The following TENM2 variants were observed in gnomAD, a reference collection of about 807,000 sequenced individuals.
TENM2 encodes the protein teneurin-2.
Under a neutral mutation model 245.2 loss-of-function variants are expected in TENM2, and 52 were observed. That is an observed-to-expected ratio of 0.21 (90% CI 0.17 to 0.27). The LOEUF (loss-of-function observed/expected upper bound fraction) is 0.27. Among genes scored for constraint, TENM2 ranks in the 10% least tolerant of loss-of-function variants. The pLI is 1.00. For synonymous variants in TENM2, 1,363 were observed against 1,438.9 expected, an observed-to-expected ratio of 0.95 and a Z score of 1.19; for missense variants, 3,046 against 3,666.8, an observed-to-expected ratio of 0.83 and a Z score of 4.37.
At chr5:167,833,766 G>C (rs530646238) in intron 2 of TENM2, among the ~76,000 whole-genome samples, 1 of 152,288 alleles carries the variant, frequency 6.6e-6, no homozygotes, top group East Asian at 1.9e-4. Flanking sequence ...GACATGGTGT[G>C]ATCTCTAATC....
intron 2 of TENM2, among the ~76,000 whole-genome samples, chr5:167,411,088 T>C (rs1762884102): frequency 6.6e-6 from 1 of 152,084 alleles, no homozygotes; most frequent in Non-Finnish European, 1.5e-5. Context: ...AGAGCATGGC[T>C]TTGTTATTAG....
intron 5 of TENM2, among the ~76,000 whole-genome samples, chr5:168,042,499 G>A (rs186115464): frequency 1.3e-5 from 2 of 152,158 alleles, no homozygotes; most frequent in Admixed American, 1.3e-4. Flanking sequence ...ACCCAGCAGG[G>A]CCCACACATT....
chr5:167,977,406 T>G (rs2546959), intron 4 of TENM2, among the ~76,000 whole-genome samples: 29,839 of 152,056 alleles, frequency 0.2, 3,181 homozygotes, highest in Admixed American at 0.27. Context: ...ATTGAAGAAC[T>G]TAAACTGATG....
chr5:168,149,434 G>A (rs1159308379), intron 12 of TENM2: 2 of 457,124 alleles, frequency 4.4e-6, no homozygotes, highest in Admixed American at 4.7e-5. Flanking sequence ...GTAGTTGGTG[G>A]GGAGTGCTGT....
chr5:167,366,510 G>A (rs1396190695), intron 1 of TENM2, among the ~76,000 whole-genome samples: 1 of 152,102 alleles, frequency 6.6e-6, no homozygotes, highest in Non-Finnish European at 1.5e-5. Flanking sequence ...CCCTGTGAAA[G>A]TAGGTGCTAT....
chr5:167,069,149 T>C, the TENM2 span, among the ~76,000 whole-genome samples: 1 of 152,188 alleles, frequency 6.6e-6, no homozygotes, highest in Non-Finnish European at 1.5e-5. Context: ...AAAGGGAAAA[T>C]TGTTAATATT....
the TENM2 span, among the ~76,000 whole-genome samples, chr5:167,242,028 TTTC>T: frequency 1.3e-5 from 2 of 151,576 alleles, no homozygotes; most frequent in Non-Finnish European, 2.9e-5. Context: ...TTTTCTTTGT[TTTC>T]TTTTTTTGTT....
intron 2 of TENM2, among the ~76,000 whole-genome samples, chr5:167,437,327 T>C (rs1379147391): frequency 6.6e-6 from 1 of 152,208 alleles, no homozygotes. Context: ...ATAAGGCCCG[T>C]AGCCCCTTGG....
intron 2 of TENM2, among the ~76,000 whole-genome samples, chr5:167,515,286 C>A: frequency 6.6e-6 from 1 of 152,210 alleles, no homozygotes; most frequent in African/African-American, 2.4e-5. Context: ...TTTCTACTGT[C>A]TACAGCATGT....
chr5:167,081,499 TA>T, the TENM2 span, among the ~76,000 whole-genome samples: 2 of 152,152 alleles, frequency 1.3e-5, no homozygotes, highest in South Asian at 2.1e-4. Context: ...GTTGGTTCTT[TA>T]AAAAATAAAT....
chr5:167,715,499 CA>C (rs1347843506), intron 2 of TENM2, among the ~76,000 whole-genome samples: 1 of 152,118 alleles, frequency 6.6e-6, no homozygotes, highest in Non-Finnish European at 1.5e-5. Context: ...ATATCATTTT[CA>C]ATTGTTTTAA....
rs150271809 is a variant in TENM2, at chr5:168,053,565, A to T, written c.1309+6016A>T. 3.5e-4 allele frequency among the ~76,000 whole-genome samples: 54 copies of T among 152,342 alleles called. No individual in the cohort carries two copies. The East Asian group carries it at 8.5e-3, about 24-fold the overall frequency. ...ATTGAAAATATTTGGAATAATAATA[A>T]TACACAAAATGCAAATAAAAATGAT... On this transcript the variant is annotated intron_variant, in intron 6 of 28. Transcript: ENST00000518659.
intron 2 of TENM2, among the ~76,000 whole-genome samples, chr5:167,382,265 T>C (rs1761133809): frequency 6.6e-6 from 1 of 152,162 alleles, no homozygotes; most frequent in African/African-American, 2.4e-5. Flanking sequence ...ATGTTCAGTT[T>C]TGATCCAGCA....
At chr5:168,012,438 T>C (rs901336409) in intron 5 of TENM2, among the ~76,000 whole-genome samples, 1 of 151,924 alleles carries the variant, frequency 6.6e-6, no homozygotes, top group Non-Finnish European at 1.5e-5. Flanking sequence ...AGCCCAGGCA[T>C]TTGAGACCAG....
the TENM2 span, among the ~76,000 whole-genome samples, chr5:167,225,548 C>T: frequency 6.6e-6 from 1 of 151,870 alleles, no homozygotes; most frequent in Non-Finnish European, 1.5e-5. Context: ...TGTTGATGTG[C>T]TATTGGATTC....
At chr5:167,262,530 T>G in the TENM2 span, among the ~76,000 whole-genome samples, 1 of 152,210 alleles carries the variant, frequency 6.6e-6, no homozygotes, top group African/African-American at 2.4e-5. Context: ...TCTTTTCCAT[T>G]CTTTTTTCTA....
At chr5:168,034,051 A>ATATATATATATATGTGTATATATATG (rs1787388359) in intron 5 of TENM2, among the ~76,000 whole-genome samples, 3 of 142,372 alleles carry the variant, frequency 2.1e-5, no homozygotes, top group East Asian at 4.0e-4. Context: ...ATGTGTGTGT[A>ATATATATATATATGTGTATATATATG]TATATATATA....
intron 4 of TENM2, among the ~76,000 whole-genome samples, chr5:167,978,299 C>T (rs1284590351): frequency 2.0e-5 from 3 of 152,198 alleles, no homozygotes; most frequent in Non-Finnish European, 4.4e-5. Context: ...AGCAGGTGCT[C>T]AGACAGACAT....
chr5:167,027,361 G>A, the TENM2 span, among the ~76,000 whole-genome samples: 9 of 152,174 alleles, frequency 5.9e-5, no homozygotes, highest in African/African-American at 2.2e-4. Context: ...GTTGAGCCCA[G>A]TTCGCCCAGC....
Sources: gnomAD v4.1 joint callset for allele counts (sites outside exome capture counted in the v4.1 genomes callset) on GRCh38, gnomAD v4.1.1 for gene constraint, MANE v1.5 for transcripts, NCBI Gene and HGNC (gene_info 2026-07-23, HGNC 2026-07-21) for gene names.